Variants in ENTREP3 observed in about 807,000 individuals in gnomAD.
The protein encoded by ENTREP3 is protein ENTREP3.
At chr1:155,254,088 G>C in the ENTREP3 span, 1 of 1,614,008 alleles carries the variant, frequency 6.2e-7, no homozygotes, top group Non-Finnish European at 8.5e-7. This position sits in a 1 kb window ranked among gnomAD's most constrained non-coding sequence, Gnocchi z 4.4. Context: ...TCTCACCAGA[G>C]AGCACTGTTG....
chr1:155,247,412 T>G, the ENTREP3 span: 1 of 527,922 alleles, frequency 1.9e-6, no homozygotes, highest in Non-Finnish European at 3.6e-6. Context: ...CCCCATTGCA[T>G]AGGCACACGT....
At chr1:155,249,620 C>T in the ENTREP3 span, among the ~76,000 whole-genome samples, 10 of 152,040 alleles carry the variant, frequency 6.6e-5, no homozygotes, top group Admixed American at 6.6e-5. Flanking sequence ...TGACTCATGC[C>T]TGTAATCCCA....
the ENTREP3 span, chr1:155,254,855 G>C: frequency 1.9e-6 from 3 of 1,579,626 alleles, no homozygotes; most frequent in Non-Finnish European, 2.6e-6. This position sits in a 1 kb window ranked among gnomAD's most constrained non-coding sequence, Gnocchi z 4.4. Flanking sequence ...CGAGCGGCTG[G>C]AGTCACTAGG....
the ENTREP3 span, chr1:155,248,135 G>C: frequency 5.0e-6 from 8 of 1,613,994 alleles, no homozygotes; most frequent in Admixed American, 1.7e-5. Flanking sequence ...GCCCCGACCT[G>C]GCCAGCTGCC....
chr1:155,253,590 A>G, the ENTREP3 span: 1 of 1,493,412 alleles, frequency 6.7e-7, no homozygotes, highest in Non-Finnish European at 9.3e-7. Context: ...TGCCCCCACC[A>G]TACCTGCGTG....
chr1:155,254,811 G>C, the ENTREP3 span: 3 of 1,610,296 alleles, frequency 1.9e-6, no homozygotes, highest in Admixed American at 3.4e-5. This position sits in a 1 kb window ranked among gnomAD's most constrained non-coding sequence, Gnocchi z 4.4. Flanking sequence ...AGGCGGAGGT[G>C]GGTAAGGCCC....
At chr1:155,254,274 C>T in the ENTREP3 span, 1 of 1,493,344 alleles carries the variant, frequency 6.7e-7, no homozygotes. The surrounding 1 kb of genome is among the most constrained non-coding windows in gnomAD (Gnocchi z 4.4). Flanking sequence ...CCCTCCTTCA[C>T]AGACACTTCG....
chr1:155,253,594 C>A, the ENTREP3 span: 5 of 1,516,798 alleles, frequency 3.3e-6, no homozygotes, highest in Non-Finnish European at 4.6e-6. Flanking sequence ...CCCACCATAC[C>A]TGCGTGCCCT....
chr1:155,253,940 G>C, the ENTREP3 span: 1 of 1,612,830 alleles, frequency 6.2e-7, no homozygotes, highest in Non-Finnish European at 8.5e-7. Flanking sequence ...AGGGCCGGAG[G>C]AGGGGAACAG....
the ENTREP3 span, chr1:155,248,048 A>G: frequency 6.2e-7 from 1 of 1,613,986 alleles, no homozygotes; most frequent in Non-Finnish European, 8.5e-7. Context: ...CCGAATTCCT[A>G]CCTGCTTATG....
At chr1:155,249,515 G>T in the ENTREP3 span, among the ~76,000 whole-genome samples, 1 of 152,014 alleles carries the variant, frequency 6.6e-6, no homozygotes, top group East Asian at 1.9e-4. Flanking sequence ...AGGCCGAGGC[G>T]GGTGGATCAC....
At chr1:155,247,952 G>A in the ENTREP3 span, 10 of 1,603,574 alleles carry the variant, frequency 6.2e-6, no homozygotes, top group East Asian at 2.0e-4. Context: ...AGGCTCCGGG[G>A]CACCTGGACA....
At chr1:155,247,987 A>G in the ENTREP3 span, 10 of 1,610,960 alleles carry the variant, frequency 6.2e-6, no homozygotes, top group African/African-American at 2.7e-5. Flanking sequence ...GGCATCATCA[A>G]TAAGGCTCAA....
At chr1:155,247,898 C>T in the ENTREP3 span, 84 of 1,581,264 alleles carry the variant, frequency 5.3e-5, no homozygotes, top group East Asian at 9.0e-5. Context: ...CTCAGATCTC[C>T]GCAGCTGCGA....
chr1:155,252,335 T>G, the ENTREP3 span, among the ~76,000 whole-genome samples: 1 of 152,040 alleles, frequency 6.6e-6, no homozygotes. Flanking sequence ...GTAGCTGGAA[T>G]TATAAGGGTG....
At chr1:155,250,614 AG>A in the ENTREP3 span, 1 of 1,609,500 alleles carries the variant, frequency 6.2e-7, no homozygotes, top group East Asian at 2.2e-5. This position sits in a 1 kb window ranked among gnomAD's most constrained non-coding sequence, Gnocchi z 5.4. Context: ...GCGCCGTGGC[AG>A]GGGGCTTTCC....
chr1:155,252,791 G>C, the ENTREP3 span: 1 of 127,752 alleles, frequency 7.8e-6, no homozygotes, highest in South Asian at 2.6e-4. Flanking sequence ...GAATGCAGTG[G>C]CACCATCTCA....
chr1:155,255,146 C>T, the ENTREP3 span: 3 of 575,668 alleles, frequency 5.2e-6, no homozygotes, highest in Non-Finnish European at 6.2e-6. The surrounding 1 kb of genome is among the most constrained non-coding windows in gnomAD (Gnocchi z 5.6). Flanking sequence ...CGCGGGGGCA[C>T]CGGCTCATCG....
the ENTREP3 span, chr1:155,251,000 C>T: frequency 7.5e-7 from 1 of 1,341,360 alleles, no homozygotes; most frequent in South Asian, 1.3e-5. This position sits in a 1 kb window ranked among gnomAD's most constrained non-coding sequence, Gnocchi z 5.4. Context: ...CCCAAACCAC[C>T]AACTCCGCCT....
Sources: gnomAD v4.1 joint callset for allele counts (sites outside exome capture counted in the v4.1 genomes callset) on GRCh38, gnomAD v4.1.1 for gene constraint, Gnocchi (gnomAD v3.1) non-coding constraint, MANE v1.5 for transcripts, NCBI Gene and HGNC (gene_info 2026-07-23, HGNC 2026-07-21) for gene names.